Variants in TRAK1 observed in about 807,000 individuals in gnomAD.
TRAK1 encodes the protein trafficking kinesin protein 1.
TRAK1 carries 33 observed loss-of-function variants against 92.1 expected under a neutral mutation model. The ratio of observed to expected loss-of-function variants is 0.36; its 90% confidence interval spans 0.27 to 0.48. TRAK1 has a LOEUF of 0.48. Among genes scored for constraint, TRAK1 ranks in the 20% least tolerant of loss-of-function variants. The probability of loss-of-function intolerance (pLI) is 0.99; values close to 1 mark genes in which losing one functional copy is unlikely to be tolerated. For missense variants in TRAK1, 1,123 were observed against 1,257.9 expected, an observed-to-expected ratio of 0.89 and a Z score of 1.62; for synonymous variants, 521 against 517.3, an observed-to-expected ratio of 1.01 and a Z score of -0.10.
At chr3:42,031,033 ATTTTTTT>A (rs569209653) in intron 1 of TRAK1, among the ~76,000 whole-genome samples, 4 of 95,438 alleles carry the variant, frequency 4.2e-5, no homozygotes, top group African/African-American at 1.4e-4. Context: ...AGCTATTTGA[ATTTTTTT>A]TTTTTTTTTT....
chr3:42,015,159 C>T (rs1559697956), intron 1 of TRAK1, among the ~76,000 whole-genome samples: 2 of 152,080 alleles, frequency 1.3e-5, no homozygotes, highest in Admixed American at 1.3e-4. Flanking sequence ...TGGCGCCTTC[C>T]CCTCTGTCTC....
At chr3:42,148,992 C>G (rs568669879) in intron 2 of TRAK1, among the ~76,000 whole-genome samples, 1 of 152,264 alleles carries the variant, frequency 6.6e-6, no homozygotes, top group African/African-American at 2.4e-5. Context: ...CCCTCTGTCT[C>G]TCCCTTGCCT....
At chr3:42,210,367 A>T in intron 14 of TRAK1, 2 of 1,307,806 alleles carry the variant, frequency 1.5e-6, no homozygotes, top group Middle Eastern at 2.4e-4. Context: ...TGCATGGCCC[A>T]TCAGGGATCT....
At chr3:42,194,241 C>T (rs1224765382) in intron 9 of TRAK1, among the ~76,000 whole-genome samples, 1 of 152,072 alleles carries the variant, frequency 6.6e-6, no homozygotes, top group East Asian at 1.9e-4. Context: ...TTTTCTTTTT[C>T]TTTCTCTCTT....
intron 2 of TRAK1, among the ~76,000 whole-genome samples, chr3:42,141,356 C>A (rs927194553): frequency 1.3e-5 from 2 of 152,180 alleles, no homozygotes; most frequent in African/African-American, 2.4e-5. Flanking sequence ...CTGATACTCA[C>A]ACTTAATATA....
intron 1 of TRAK1, among the ~76,000 whole-genome samples, chr3:42,107,924 T>C (rs759536498): frequency 2.0e-5 from 3 of 151,394 alleles, no homozygotes; most frequent in Non-Finnish European, 4.4e-5. Context: ...TAGATGTCGT[T>C]TCCATCCTTA....
At chr3:42,201,153 G>A (rs1019714064) in intron 12 of TRAK1, 99 bp downstream of exon 12, 3 of 1,305,576 alleles carry the variant, frequency 2.3e-6, no homozygotes, top group African/African-American at 2.9e-5. Flanking sequence ...AGGTAGATGA[G>A]AGTCACCTGA....
chr3:42,173,981 T>C (rs959065015), intron 2 of TRAK1, among the ~76,000 whole-genome samples: 1 of 152,150 alleles, frequency 6.6e-6, no homozygotes, highest in Non-Finnish European at 1.5e-5. Context: ...TGTTGTAAAA[T>C]GGTGTTAATA....
At chr3:42,083,099 A>G (rs1234001297), upstream of TRAK1, among the ~76,000 whole-genome samples, 1 of 152,060 alleles carries the variant, frequency 6.6e-6, no homozygotes, top group Non-Finnish European at 1.5e-5. Context: ...CCAAATGTAT[A>G]CTCCTCGCCT....
chr3:42,100,833 A>C (rs1706647086), intron 1 of TRAK1, among the ~76,000 whole-genome samples: 1 of 151,974 alleles, frequency 6.6e-6, no homozygotes, highest in Admixed American at 6.6e-5. Context: ...CACCTGGCTA[A>C]TTTTTTTGTA....
intron 1 of TRAK1, among the ~76,000 whole-genome samples, chr3:42,062,330 T>A (rs1385836931): frequency 6.6e-6 from 1 of 152,206 alleles, no homozygotes; most frequent in Non-Finnish European, 1.5e-5. Flanking sequence ...TGGCTAAGGA[T>A]AGGTCTTAAT....
In TRAK1 at chr3:42,103,762, C is replaced by T. The variant is rs552639596; in HGVS notation, c.91+12202C>T. ...AACAGCTCCAGTCTGCAGCTCCCAG[C>T]GTGAGTGATGCAGAAGATGGATGAT... On this transcript the variant is annotated intron_variant, in intron 1 of 15. Coordinates refer to ENST00000327628, the MANE Select transcript of TRAK1 (RefSeq NM_001042646.3). 4.6e-5 allele frequency among the ~76,000 whole-genome samples: 7 copies of T among 152,220 alleles called. No individual in the cohort carries two copies. In the South Asian group the frequency reaches 6.2e-4, roughly 14 times the overall value.
At chr3:42,188,810 G>A (rs1705261900) in intron 5 of TRAK1, among the ~76,000 whole-genome samples, 1 of 152,200 alleles carries the variant, frequency 6.6e-6, no homozygotes, top group African/African-American at 2.4e-5. Context: ...CTAAGGTGAT[G>A]TGGCAAGTTG....
At chr3:42,055,739 A>G (rs146424048) in intron 1 of TRAK1, among the ~76,000 whole-genome samples, 106 of 152,324 alleles carry the variant, frequency 7.0e-4, no homozygotes, top group Admixed American at 1.5e-3. Context: ...CTGAGATTAT[A>G]GATGTGAGCC....
At chr3:42,063,835 T>C (rs780336234) in intron 1 of TRAK1, among the ~76,000 whole-genome samples, 10 of 152,208 alleles carry the variant, frequency 6.6e-5, no homozygotes, top group Non-Finnish European at 1.3e-4. Context: ...GTCTGTAACC[T>C]TTCCCCTTGA....
chr3:42,221,071 CTTTTTT>C (rs369421571), intron 15 of TRAK1, among the ~76,000 whole-genome samples: 6 of 85,392 alleles, frequency 7.0e-5, no homozygotes, highest in African/African-American at 1.5e-4. Flanking sequence ...AGAGAAGGCT[CTTTTTT>C]TTTTTTTTTT....
chr3:42,079,277 A>G (rs1233198907), intron 1 of TRAK1, among the ~76,000 whole-genome samples: 1 of 152,120 alleles, frequency 6.6e-6, no homozygotes, highest in African/African-American at 2.4e-5. Context: ...CTTGTTTAGA[A>G]TTGCTGAGTA....
chr3:42,170,902 C>G (rs879256600), intron 2 of TRAK1, among the ~76,000 whole-genome samples: 1 of 151,350 alleles, frequency 6.6e-6, no homozygotes, highest in Non-Finnish European at 1.5e-5. Context: ...CGGCTTACTG[C>G]AAGCTCCGCC....
At chr3:42,190,538 G>GTGC (rs1481788640) in intron 6 of TRAK1, among the ~76,000 whole-genome samples, 1 of 152,120 alleles carries the variant, frequency 6.6e-6, no homozygotes, top group Non-Finnish European at 1.5e-5. Flanking sequence ...TCTGAGTTCA[G>GTGC]TGCTACCTCT....
Sources: gnomAD v4.1 joint callset for allele counts (sites outside exome capture counted in the v4.1 genomes callset) on GRCh38, gnomAD v4.1.1 for gene constraint, MANE v1.5 for transcripts, NCBI Gene and HGNC (gene_info 2026-07-23, HGNC 2026-07-21) for gene names.